GTF2F2: variants seen among roughly 807,000 people sequenced by gnomAD.
GTF2F2 encodes ATP-dependent helicase GTF2F2.
A neutral mutation model predicts 42.2 loss-of-function variants in GTF2F2; 23 were observed. The ratio of observed to expected loss-of-function variants is 0.55; its 90% confidence interval spans 0.39 to 0.77. GTF2F2 has a LOEUF of 0.77. Ranked by LOEUF, GTF2F2 falls within the 30% of genes least tolerant of loss-of-function variation. GTF2F2 has a pLI of 0.00. For missense variants in GTF2F2, 261 were observed against 287.2 expected (o/e 0.91, Z 0.66); for synonymous variants, 105 against 100.8 (o/e 1.04, Z -0.25).
chr13:45,279,255 A>C (rs991323931), intron 7 of GTF2F2, among the ~76,000 whole-genome samples: 14 of 152,172 alleles, frequency 9.2e-5, no homozygotes, highest in Non-Finnish European at 1.9e-4. Context: ...GAATATATGA[A>C]TGTTAAAAAG....
At chr13:45,212,483 C>CT (rs1172188221) in intron 5 of GTF2F2, among the ~76,000 whole-genome samples, 15 of 100,168 alleles carry the variant, frequency 1.5e-4, no homozygotes, top group African/African-American at 3.9e-4. Flanking sequence ...TTCTTTCTTT[C>CT]TTTCTTTCTT....
intron 6 of GTF2F2, among the ~76,000 whole-genome samples, chr13:45,263,339 C>T (rs1338717858): frequency 6.6e-6 from 1 of 152,048 alleles, no homozygotes; most frequent in Non-Finnish European, 1.5e-5. Context: ...CACCATTCTC[C>T]TGCCTCAGCC....
intron 1 of GTF2F2, among the ~76,000 whole-genome samples, chr13:45,123,634 G>GA (rs11429504): frequency 0.39 from 49,752 of 128,842 alleles, 11,354 homozygotes; most frequent in African/African-American, 0.68. Flanking sequence ...TATCTAAAAA[G>GA]AAAAAAAAAA....
intron 4 of GTF2F2, among the ~76,000 whole-genome samples, chr13:45,167,309 A>G (rs1318514927): frequency 6.9e-6 from 1 of 145,530 alleles, no homozygotes; most frequent in South Asian, 2.1e-4. Flanking sequence ...GTCTCGGCTC[A>G]CTGCAACCCC....
chr13:45,125,477 A>G (rs1868942012), intron 1 of GTF2F2, among the ~76,000 whole-genome samples: 2 of 151,688 alleles, frequency 1.3e-5, no homozygotes, highest in Non-Finnish European at 2.9e-5. Flanking sequence ...GGGCCACCAC[A>G]CCCAGCTAAT....
intron 4 of GTF2F2, among the ~76,000 whole-genome samples, chr13:45,189,384 G>A (rs893264571): frequency 2.0e-5 from 3 of 152,172 alleles, no homozygotes; most frequent in Non-Finnish European, 4.4e-5. Flanking sequence ...TGTCTTTATA[G>A]CAGCATGATT....
At chr13:45,234,015 A>G (rs1443263010) in intron 5 of GTF2F2, among the ~76,000 whole-genome samples, 2 of 152,240 alleles carry the variant, frequency 1.3e-5, no homozygotes, top group Non-Finnish European at 2.9e-5. Flanking sequence ...CTCCCACTAT[A>G]AAGATGTCTA....
At chr13:45,218,849 T>C (rs1873992945) in intron 5 of GTF2F2, among the ~76,000 whole-genome samples, 1 of 152,208 alleles carries the variant, frequency 6.6e-6, no homozygotes, top group Non-Finnish European at 1.5e-5. Context: ...TAAATATTCC[T>C]AGTAGTTTGT....
intron 5 of GTF2F2, among the ~76,000 whole-genome samples, chr13:45,249,363 A>T (rs1029184662): frequency 7.0e-6 from 1 of 142,226 alleles, no homozygotes; most frequent in East Asian, 1.9e-4. Flanking sequence ...TTAAATTTTT[A>T]AAATGAGTTT....
At chr13:45,218,338 A>G (rs1228623243) in intron 5 of GTF2F2, among the ~76,000 whole-genome samples, 1 of 152,252 alleles carries the variant, frequency 6.6e-6, no homozygotes, top group African/African-American at 2.4e-5. Context: ...TACGTATTAG[A>G]AAAAGGTGCT....
intron 7 of GTF2F2, among the ~76,000 whole-genome samples, chr13:45,274,499 T>G (rs1211700802): frequency 5.9e-5 from 9 of 151,890 alleles, no homozygotes. Context: ...GCTAATTTTT[T>G]TGTATAATTT....
At chr13:45,121,974 A>G (rs1868661190) in intron 1 of GTF2F2, among the ~76,000 whole-genome samples, 1 of 152,184 alleles carries the variant, frequency 6.6e-6, no homozygotes, top group Admixed American at 6.5e-5. Flanking sequence ...AGATGGTGCC[A>G]TTGTCCTAGG....
At chr13:45,165,333 T>TATA (rs1566120046) in intron 4 of GTF2F2, among the ~76,000 whole-genome samples, 51 of 129,294 alleles carry the variant, frequency 3.9e-4, no homozygotes, top group African/African-American at 1.4e-3. Flanking sequence ...ATATATATAT[T>TATA]TTTTTTTTCT....
At chr13:45,258,811 GAT>G (rs1876207630) in intron 6 of GTF2F2, among the ~76,000 whole-genome samples, 1 of 152,072 alleles carries the variant, frequency 6.6e-6, no homozygotes, top group Admixed American at 6.6e-5. Flanking sequence ...AGTTTATAAA[GAT>G]ATATGCATAG....
At chr13:45,252,632 C>A (rs531394837) in intron 5 of GTF2F2, among the ~76,000 whole-genome samples, 1 of 152,102 alleles carries the variant, frequency 6.6e-6, no homozygotes, top group African/African-American at 2.4e-5. Flanking sequence ...ATATAATAAG[C>A]GGGTGAAAAG....
intron 4 of GTF2F2, chr13:45,193,549 C>T (rs575286288): frequency 5.0e-6 from 2 of 396,834 alleles, no homozygotes; most frequent in East Asian, 3.7e-5. Context: ...TCTTTATTTA[C>T]AGTATATAGA....
intron 5 of GTF2F2, among the ~76,000 whole-genome samples, chr13:45,247,613 C>T (rs1281733553): frequency 6.6e-6 from 1 of 151,962 alleles, no homozygotes; most frequent in Non-Finnish European, 1.5e-5. Flanking sequence ...AGGATGGTCT[C>T]GATCTGACCT....
Position 45,211,880 on chromosome 13 carries a change from C to G in GTF2F2, c.386+4375C>G, listed in dbSNP as rs543635783. On this transcript the variant is annotated intron_variant, in intron 5 of 7. Coordinates refer to ENST00000340473, the MANE Select transcript of GTF2F2 (RefSeq NM_004128.3). ...GGATTACAGGCGTAATCCACTGCGC[C>G]AGCCCAGGCTCAAAATTTTAAAGAA... is the stretch of plus-strand genomic sequence containing the variant. 3.7e-4 allele frequency among the ~76,000 whole-genome samples: 57 copies of G among 152,238 alleles called. 1 individual carries two copies. Among genetic ancestry groups the G allele is most frequent in the Non-Finnish European group, 7.4e-5 (5 of 68,020 alleles).
At chr13:45,214,749 C>T (rs1467872119) in intron 5 of GTF2F2, among the ~76,000 whole-genome samples, 1 of 149,838 alleles carries the variant, frequency 6.7e-6, no homozygotes, top group Non-Finnish European at 1.5e-5. Context: ...TGAGCTTTTC[C>T]CTAGTCTTTG....
Sources: gnomAD v4.1 joint callset for allele counts (sites outside exome capture counted in the v4.1 genomes callset) on GRCh38, gnomAD v4.1.1 for gene constraint, MANE v1.5 for transcripts, NCBI Gene and HGNC (gene_info 2026-07-23, HGNC 2026-07-21) for gene names.